The following L3MBTL4 variants were observed in gnomAD, a reference collection of about 807,000 sequenced individuals.
L3MBTL4 encodes the protein lethal(3)malignant brain tumor-like protein 4.
Under a neutral mutation model 84.5 loss-of-function variants are expected in L3MBTL4, and 70 were observed. The observed-to-expected ratio is 0.83, with a 90% CI of 0.68 to 1.01. The LOEUF is 1.01. Ranked by LOEUF, L3MBTL4 falls within the 50% of genes least tolerant of loss-of-function variation. The pLI is 0.00. For missense variants in L3MBTL4, 715 were observed against 754.8 expected, an observed-to-expected ratio of 0.95 and a Z score of 0.62; for synonymous variants, 274 against 259.8, an observed-to-expected ratio of 1.05 and a Z score of -0.52.
chr18:6,359,381 G>A (rs1282973290), intron 1 of L3MBTL4, among the ~76,000 whole-genome samples: 2 of 152,016 alleles, frequency 1.3e-5, no homozygotes, highest in Non-Finnish European at 1.5e-5. Context: ...GGAGGCAGAG[G>A]TTGCAGTGAG....
chr18:5,960,055 TATATAC>T (rs1395129814), intron 18 of L3MBTL4, 33 bp downstream of exon 18: 1 of 435,734 alleles, frequency 2.3e-6, no homozygotes, highest in South Asian at 5.0e-5. Flanking sequence ...CATATATATA[TATATAC>T]ATATATATAT....
rs377208722 is a variant in L3MBTL4, at chr18:6,224,930, GA to G, written c.785-9096del. Among the ~76,000 whole-genome samples, 784 of 143,844 alleles carry G rather than the reference GA, an allele frequency of 5.5e-3. 12 individuals are homozygous for G. Among genetic ancestry groups the G allele is most frequent in the African/African-American group, 0.019 (729 of 39,234 alleles). 94.4% of individuals were successfully genotyped at this position (143,844 alleles called of 152,430 possible). A position where few individuals can be genotyped will look rare whatever the true frequency, so the allele number is the denominator to read the frequency against. On this transcript the variant is annotated intron_variant, in intron 10 of 18. Transcript: ENST00000317931. ...CAAAAACAAATAAAAAAGGAAATTC[GA>G]AAAAAAAAACAAGGAAAACATAAAG...
intron 7 of L3MBTL4, among the ~76,000 whole-genome samples, chr18:6,242,105 C>T (rs781461124): frequency 6.6e-6 from 1 of 152,198 alleles, no homozygotes; most frequent in Non-Finnish European, 1.5e-5. Context: ...TGAGCACCAG[C>T]CTTGGAACAG....
intron 1 of L3MBTL4, among the ~76,000 whole-genome samples, chr18:6,325,916 C>A (rs893733899): frequency 2.6e-5 from 4 of 152,104 alleles, no homozygotes; most frequent in Non-Finnish European, 2.9e-5. Context: ...GCTTTGAAAC[C>A]CCTTTTTCAG....
At chr18:6,194,845 C>T (rs886458565) in intron 12 of L3MBTL4, among the ~76,000 whole-genome samples, 7 of 152,228 alleles carry the variant, frequency 4.6e-5, no homozygotes, top group Non-Finnish European at 8.8e-5. Flanking sequence ...TGGAGAAGAG[C>T]TCTCAGTGCC....
At chr18:5,966,598 G>T (rs1231318421) in intron 17 of L3MBTL4, among the ~76,000 whole-genome samples, 1 of 152,068 alleles carries the variant, frequency 6.6e-6, no homozygotes, top group Non-Finnish European at 1.5e-5. Flanking sequence ...AGCCTTTAAG[G>T]GCACCCATCT....
intron 1 of L3MBTL4, among the ~76,000 whole-genome samples, chr18:6,377,554 T>C (rs575924841): frequency 4.9e-4 from 75 of 152,304 alleles, no homozygotes; most frequent in African/African-American, 1.7e-3. Flanking sequence ...CTCCCACTTA[T>C]GAATGAGAAC....
intron 3 of L3MBTL4, among the ~76,000 whole-genome samples, chr18:6,308,325 A>G (rs554551523): frequency 6.6e-6 from 1 of 152,300 alleles, no homozygotes; most frequent in African/African-American, 2.4e-5. Flanking sequence ...ACTCTCTCAG[A>G]TGCTGTTAGG....
chr18:6,134,946 C>T (rs1211090415), intron 14 of L3MBTL4, among the ~76,000 whole-genome samples: 1 of 152,234 alleles, frequency 6.6e-6, no homozygotes, highest in African/African-American at 2.4e-5. Flanking sequence ...TTCCACACTG[C>T]CCTAGCAGAG....
chr18:6,313,490 G>A (rs1013664451), intron 1 of L3MBTL4, among the ~76,000 whole-genome samples: 1 of 152,104 alleles, frequency 6.6e-6, no homozygotes, highest in African/African-American at 2.4e-5. Flanking sequence ...AGGCACTTAT[G>A]TACTAAATTC....
At chr18:6,210,169 A>G (rs2046043521) in intron 12 of L3MBTL4, among the ~76,000 whole-genome samples, 1 of 152,230 alleles carries the variant, frequency 6.6e-6, no homozygotes, top group East Asian at 1.9e-4. Context: ...TAGAACTAAT[A>G]AAATACATAA....
intron 5 of L3MBTL4, chr18:6,259,371 A>T (rs542974937): frequency 2.0e-5 from 3 of 152,246 alleles, no homozygotes; most frequent in Non-Finnish European, 4.4e-5. Flanking sequence ...GCAGCCTTGC[A>T]AGTATCTGTT....
chr18:5,967,189 A>C (rs2052394836), intron 17 of L3MBTL4, among the ~76,000 whole-genome samples: 2 of 152,192 alleles, frequency 1.3e-5, no homozygotes, highest in African/African-American at 4.8e-5. Context: ...AACCAGGCCC[A>C]TCTCCCGGTC....
intron 4 of L3MBTL4, among the ~76,000 whole-genome samples, chr18:6,299,191 T>C (rs1180280116): frequency 6.6e-6 from 1 of 152,214 alleles, no homozygotes; most frequent in African/African-American, 2.4e-5. Flanking sequence ...ATGAAGAGTT[T>C]ATCTCAGAGA....
chr18:6,019,595 CAT>C (rs1190082538), intron 16 of L3MBTL4, among the ~76,000 whole-genome samples: 8 of 152,322 alleles, frequency 5.3e-5, no homozygotes, highest in African/African-American at 1.9e-4. Flanking sequence ...TGCCAGGTTT[CAT>C]ATATGTCACT....
In L3MBTL4 at chr18:6,171,946, T is replaced by C; in HGVS notation, c.982-4A>G. 1 of 1,448,348 alleles carries C rather than the reference T, an allele frequency of 6.9e-7. No homozygotes were observed. Among genetic ancestry groups the C allele is most frequent in the Non-Finnish European group, 9.4e-7 (1 of 1,058,284 alleles). The allele number at this position is 1,448,348 out of a possible 1,614,324, so 89.7% of individuals were successfully genotyped here. On this transcript the variant is annotated splice_polypyrimidine_tract_variant and splice_region_variant and intron_variant, in intron 12 of 18. Coordinates refer to ENST00000317931, the MANE Select transcript of L3MBTL4 (RefSeq NM_001330559.2). Reference sequence around the variant, plus strand: ...GGTCCCAACCATCAAAATGAACCTGTTAAAACGAGTTTTGAATGATTAGCA... The same window carrying C: ...GGTCCCAACCATCAAAATGAACCTGCTAAAACGAGTTTTGAATGATTAGCA...
chr18:6,350,068 A>G (rs2053107816), intron 1 of L3MBTL4, among the ~76,000 whole-genome samples: 1 of 152,230 alleles, frequency 6.6e-6, no homozygotes, highest in Admixed American at 6.5e-5. Context: ...AAAATAATGG[A>G]GCTGGTCCTT....
At chr18:6,242,134 A>C (rs1330555979) in intron 7 of L3MBTL4, among the ~76,000 whole-genome samples, 2 of 152,150 alleles carry the variant, frequency 1.3e-5, no homozygotes, top group Non-Finnish European at 2.9e-5. Context: ...CTCCCTGCAC[A>C]GCCTTCCAGG....
chr18:6,368,040 A>T (rs565029811), intron 1 of L3MBTL4, among the ~76,000 whole-genome samples: 1 of 152,234 alleles, frequency 6.6e-6, no homozygotes, highest in Admixed American at 6.5e-5. Flanking sequence ...TTGCTGAGGG[A>T]TACCAAGCCA....
Sources: gnomAD v4.1 joint callset for allele counts (sites outside exome capture counted in the v4.1 genomes callset) on GRCh38, gnomAD v4.1.1 for gene constraint, MANE v1.5 for transcripts, NCBI Gene and HGNC (gene_info 2026-07-23, HGNC 2026-07-21) for gene names.